Variants in AHRR observed in about 807,000 individuals in gnomAD.
AHRR encodes aryl hydrocarbon receptor repressor.
AHRR carries 28 observed loss-of-function variants against 44.0 expected under a neutral mutation model. The observed-to-expected ratio is 0.64, with a 90% CI of 0.47 to 0.87. The LOEUF (loss-of-function observed/expected upper bound fraction) is 0.87. AHRR is among the 40% of genes least tolerant of loss of function. AHRR has a pLI of 0.00. For missense variants in AHRR, 990 were observed against 953.9 expected (o/e 1.04, Z -0.50); for synonymous variants, 434 against 407.0 (o/e 1.07, Z -0.80).
intron 6 of AHRR, among the ~76,000 whole-genome samples, 172 bp downstream of exon 6, chr5:423,030 C>T (rs1736205744): frequency 6.6e-6 from 1 of 152,196 alleles, no homozygotes; most frequent in Non-Finnish European, 1.5e-5. Flanking sequence ...CCCTCCCTGT[C>T]CTCTGATTCG....
chr5:329,790 T>C (rs1741850198), intron 1 of AHRR, among the ~76,000 whole-genome samples: 1 of 152,250 alleles, frequency 6.6e-6, no homozygotes, highest in African/African-American at 2.4e-5. Context: ...TGTAAAGAAA[T>C]GCTACTGATT....
intron 1 of AHRR, among the ~76,000 whole-genome samples, chr5:328,255 ATTTTTTTTTTTT>A (rs70955232): frequency 1.1e-3 from 59 of 54,290 alleles, no homozygotes; most frequent in South Asian, 2.8e-3. Context: ...CCAACATCTG[ATTTTTTTTTTTT>A]TTTTTTTTTT....
intron 1 of AHRR, chr5:343,590 G>A (rs557417818): frequency 4.8e-4 from 196 of 405,240 alleles, no homozygotes; most frequent in African/African-American, 4.0e-3. Context: ...TCAGGACGCC[G>A]GTCTCCCGCC....
intron 1 of AHRR, among the ~76,000 whole-genome samples, chr5:336,933 C>T (rs1742158159): frequency 6.6e-6 from 1 of 152,058 alleles, no homozygotes; most frequent in African/African-American, 2.4e-5. Context: ...CTTGCTCAGG[C>T]TGGCCAGTTA....
chr5:421,585 G>C (rs776095856), intron 5 of AHRR, among the ~76,000 whole-genome samples: 8 of 152,260 alleles, frequency 5.3e-5, no homozygotes, highest in Non-Finnish European at 1.0e-4. Flanking sequence ...CACCATGGCA[G>C]AGCCGCGGAG....
At chr5:412,767 C>A (rs1355989851) in intron 4 of AHRR, among the ~76,000 whole-genome samples, 2 of 131,442 alleles carry the variant, frequency 1.5e-5, no homozygotes, top group South Asian at 2.4e-4. Flanking sequence ...ATTGCATAGG[C>A]TGGAGGGCAG....
chr5:325,590 C>T (rs1560875316), intron 1 of AHRR, among the ~76,000 whole-genome samples: 1 of 152,140 alleles, frequency 6.6e-6, no homozygotes, highest in Non-Finnish European at 1.5e-5. Context: ...CCCACAGCAC[C>T]TCGGGGGGAG....
intron 1 of AHRR, among the ~76,000 whole-genome samples, chr5:336,004 G>A (rs931687144): frequency 6.6e-6 from 1 of 152,202 alleles, no homozygotes; most frequent in Non-Finnish European, 1.5e-5. Context: ...TTTCCCTAAT[G>A]CCTCGGACTG....
At chr5:403,798 G>C (rs1188363753) in intron 4 of AHRR, 26 of 1,537,354 alleles carry the variant, frequency 1.7e-5, no homozygotes, top group Non-Finnish European at 2.3e-5. Flanking sequence ...TCTTTCCTGG[G>C]TCTCTTGAGT....
intron 1 of AHRR, among the ~76,000 whole-genome samples, chr5:340,385 G>C (rs1029401287): frequency 6.6e-6 from 1 of 151,724 alleles, no homozygotes; most frequent in Non-Finnish European, 1.5e-5. Flanking sequence ...CTGGAGGCTG[G>C]GAAGTCCAAG....
At chr5:417,573 C>T (rs374619353) in intron 5 of AHRR, among the ~76,000 whole-genome samples, 4 of 152,222 alleles carry the variant, frequency 2.6e-5, no homozygotes, top group Non-Finnish European at 4.4e-5. Context: ...CACCCAGAGC[C>T]GCTGCCTTTA....
chr5:340,938 T>G (rs566048628), intron 1 of AHRR, among the ~76,000 whole-genome samples: 33 of 150,864 alleles, frequency 2.2e-4, no homozygotes, highest in African/African-American at 6.3e-4. Flanking sequence ...CCTCAGGTGA[T>G]CCTCCTGCCT....
At chr5:331,065 C>T (rs1347876031) in intron 1 of AHRR, among the ~76,000 whole-genome samples, 1 of 151,672 alleles carries the variant, frequency 6.6e-6, no homozygotes, top group Non-Finnish European at 1.5e-5. Flanking sequence ...TTAGTAGAGA[C>T]GGGCTTTCAC....
intron 7 of AHRR, among the ~76,000 whole-genome samples, chr5:426,668 TGG>T: frequency 6.7e-6 from 1 of 148,556 alleles, no homozygotes; most frequent in South Asian, 2.2e-4. Context: ...GATGGGTGGA[TGG>T]GTGGACGGAT....
Position 421,216 on chromosome 5 carries a change from T to A in AHRR, c.442-1513T>A, listed in dbSNP as rs1016713815. The A allele has an allele frequency of 4.4e-6, 3 of 679,368 alleles. No individual in the cohort carries two copies. The East Asian group carries it at 8.6e-5, about 20-fold the overall frequency. 42.1% of individuals were successfully genotyped at this position (679,368 alleles called of 1,614,324 possible). The stretch of plus-strand genomic sequence containing the variant: ...GGAGGCCCTTGCGGACCCAGCGGCC[T>A]CCTCGTCGGCAACGCCCACCCCGCG... On this transcript the variant is annotated intron_variant, in intron 5 of 10. Transcript: ENST00000684583.
chr5:376,560 G>T, intron 3 of AHRR, 50 bp from the exon 4 acceptor site: 12 of 194,290 alleles, frequency 6.2e-5, no homozygotes, highest in Non-Finnish European at 1.1e-4. Flanking sequence ...GAAGAAGAGT[G>T]GCCAGGCCAA....
At chr5:403,894 G>C in intron 4 of AHRR, 1 of 1,587,498 alleles carries the variant, frequency 6.3e-7, no homozygotes, top group Non-Finnish European at 8.6e-7. Flanking sequence ...TTGTGGCCTA[G>C]ATGAGAATGT....
chr5:420,097 C>T (rs1042028997), intron 5 of AHRR, among the ~76,000 whole-genome samples: 2 of 152,234 alleles, frequency 1.3e-5, no homozygotes, highest in Non-Finnish European at 2.9e-5. Flanking sequence ...CTCTGACGGG[C>T]CCTGAGGCTG....
In AHRR at chr5:370,042, C is replaced by A. The variant is rs991762313; in HGVS notation, c.245-6568C>A. On this transcript the variant is annotated intron_variant, in intron 3 of 10. Coordinates refer to ENST00000684583, the MANE Select transcript of AHRR (RefSeq NM_001377236.1). The surrounding 1 kb of genome is among the most constrained non-coding windows in gnomAD (Gnocchi z 4.5). ...GGCTCTGAGAGCACTGCCCTGCCCT[C>A]CCGGGCTCTTGCTGGTGCCCCATCC... 4.6e-5 allele frequency among the ~76,000 whole-genome samples: 7 copies of A among 152,164 alleles called. No individual in the cohort carries two copies. The highest frequency in any genetic ancestry group is 1.7e-4 in the African/African-American group (7 of 41,446).
Sources: gnomAD v4.1 joint callset for allele counts (sites outside exome capture counted in the v4.1 genomes callset) on GRCh38, gnomAD v4.1.1 for gene constraint, Gnocchi (gnomAD v3.1) non-coding constraint, MANE v1.5 for transcripts, NCBI Gene and HGNC (gene_info 2026-07-23, HGNC 2026-07-21) for gene names.